The following RAP1GAP2 variants were observed in gnomAD, a reference collection of about 807,000 sequenced individuals.
RAP1GAP2 encodes RAP1 GTPase activating protein 2.
A neutral mutation model predicts 95.0 loss-of-function variants in RAP1GAP2; 27 were observed. The ratio of observed to expected loss-of-function variants is 0.28; its 90% CI spans 0.21 to 0.39. RAP1GAP2 has a LOEUF of 0.39. RAP1GAP2 is among the 10% of genes least tolerant of loss of function. The probability of loss-of-function intolerance (pLI) is 1.00; values close to 1 mark genes in which losing one functional copy is unlikely to be tolerated. For missense variants in RAP1GAP2, 771 were observed against 970.0 expected, an observed-to-expected ratio of 0.79 and a Z score of 2.72; for synonymous variants, 373 against 380.9, an observed-to-expected ratio of 0.98 and a Z score of 0.24.
chr17:3,013,528 C>T (rs1392831347), intron 17 of RAP1GAP2, among the ~76,000 whole-genome samples: 1 of 152,140 alleles, frequency 6.6e-6, no homozygotes, highest in African/African-American at 2.4e-5. Flanking sequence ...AGCCTGCCGC[C>T]TCCTCACACT....
chr17:2,889,949 C>A (rs2073652283), intron 2 of RAP1GAP2, among the ~76,000 whole-genome samples: 1 of 139,014 alleles, frequency 7.2e-6, no homozygotes. Context: ...GTCTTGAACT[C>A]CTGACCTCAA....
At chr17:3,012,718 G>A (rs1468317105) in intron 17 of RAP1GAP2, among the ~76,000 whole-genome samples, 2 of 150,798 alleles carry the variant, frequency 1.3e-5, no homozygotes, top group African/African-American at 2.4e-5. Flanking sequence ...CACTGCATAC[G>A]CAGCCCATGG....
At chr17:2,781,651 TGCAGGTCTCTGTGTGG>T (rs2068654117) in intron 1 of RAP1GAP2, among the ~76,000 whole-genome samples, 4 of 109,424 alleles carry the variant, frequency 3.7e-5, no homozygotes, top group African/African-American at 1.5e-4. Flanking sequence ...TCTCTGTGTG[TGCAGGTCTCTGTGTGG>T]GCACGTCTCT....
chr17:2,864,698 G>A (rs1456410198), intron 2 of RAP1GAP2, among the ~76,000 whole-genome samples: 1 of 152,194 alleles, frequency 6.6e-6, no homozygotes, highest in African/African-American at 2.4e-5. Context: ...GGACTTCTTG[G>A]TCTTGGCAGA....
At chr17:2,832,421 T>A (rs181091100) in intron 2 of RAP1GAP2, among the ~76,000 whole-genome samples, 3 of 142,416 alleles carry the variant, frequency 2.1e-5, no homozygotes, top group Non-Finnish European at 3.1e-5. Context: ...ACCCAGGTGT[T>A]GTGGCGGGCA....
chr17:2,765,891 C>G (rs1026672285), intron 1 of RAP1GAP2, among the ~76,000 whole-genome samples: 1 of 152,126 alleles, frequency 6.6e-6, no homozygotes, highest in Non-Finnish European at 1.5e-5. Flanking sequence ...ATTGCTTGAA[C>G]CCGGGAGGTG....
intron 16 of RAP1GAP2, 79 bp downstream of exon 16, chr17:3,006,120 CTTTTTTTTTTT>C (rs537126167): frequency 6.6e-5 from 27 of 409,928 alleles, no homozygotes; most frequent in Non-Finnish European, 1.1e-4. Flanking sequence ...GCTCCTCCAT[CTTTTTTTTTTT>C]TTTTTTTTTT....
At chr17:2,908,955 C>T (rs1366063557) in intron 3 of RAP1GAP2, among the ~76,000 whole-genome samples, 2 of 152,124 alleles carry the variant, frequency 1.3e-5, no homozygotes, top group Admixed American at 1.3e-4. Context: ...ATCCTTCCGC[C>T]TTGACCTCCC....
At chr17:2,802,687 G>C (rs569673858) in intron 2 of RAP1GAP2, among the ~76,000 whole-genome samples, 2 of 152,216 alleles carry the variant, frequency 1.3e-5, no homozygotes, top group South Asian at 4.1e-4. Flanking sequence ...TGGGAGACAA[G>C]AGTGAAATGC....
At position 2,889,889 on chromosome 17, in the gene RAP1GAP2, A is replaced by ATATTTTT. The variant is rs1408426152; in HGVS notation, c.81-15394_81-15393insATTTTTT. On this transcript the variant is annotated intron_variant, in intron 2 of 24. Coordinates refer to ENST00000254695, the MANE Select transcript of RAP1GAP2 (RefSeq NM_015085.5). The stretch of plus-strand genomic sequence containing the variant: ...TATATATATATATATATATATATAT[A>ATATTTTT]TTTTTTTTTTTTTTTGTAGAGATGG... Among the ~76,000 whole-genome samples, 43 of 57,316 alleles carry ATATTTTT rather than the reference A, an allele frequency of 7.5e-4. 2 individuals carry two copies. Among genetic ancestry groups the ATATTTTT allele is most frequent in the Non-Finnish European group, 9.5e-4 (31 of 32,544 alleles). 37.6% of individuals were successfully genotyped at this position (57,316 alleles called of 152,430 possible). A position where few individuals can be genotyped will look rare whatever the true frequency, so the allele number is the denominator to read the frequency against.
At chr17:2,908,424 G>A (rs1197356758) in intron 3 of RAP1GAP2, among the ~76,000 whole-genome samples, 3 of 152,154 alleles carry the variant, frequency 2.0e-5, no homozygotes, top group Non-Finnish European at 4.4e-5. Flanking sequence ...ATCACCTGGC[G>A]TCATATGGCG....
chr17:2,915,307 T>G (rs903107373), intron 3 of RAP1GAP2, among the ~76,000 whole-genome samples: 1 of 151,934 alleles, frequency 6.6e-6, no homozygotes, highest in Non-Finnish European at 1.5e-5. Context: ...CAGAGCTCAC[T>G]GCAGCCTCAA....
intron 3 of RAP1GAP2, among the ~76,000 whole-genome samples, chr17:2,918,604 A>G (rs1487688727): frequency 6.6e-6 from 1 of 152,074 alleles, no homozygotes; most frequent in Non-Finnish European, 1.5e-5. Context: ...CGGGAGCAAG[A>G]GAGCAAGGGA....
intron 2 of RAP1GAP2, among the ~76,000 whole-genome samples, chr17:2,831,316 A>T (rs1396713867): frequency 1.3e-5 from 2 of 151,082 alleles, no homozygotes; most frequent in East Asian, 4.0e-4. Flanking sequence ...ACCTCAGGTG[A>T]TCTGCCTGCT....
chr17:2,918,432 C>CAAAAAAA (rs533808717), intron 3 of RAP1GAP2, among the ~76,000 whole-genome samples: 7 of 65,400 alleles, frequency 1.1e-4, no homozygotes, highest in East Asian at 4.3e-4. Context: ...GACTCCATCT[C>CAAAAAAA]AAAAAAAAAA....
chr17:2,853,078 C>G (rs1179110808), intron 2 of RAP1GAP2, among the ~76,000 whole-genome samples: 6 of 152,130 alleles, frequency 3.9e-5, no homozygotes, highest in Admixed American at 3.9e-4. Context: ...CATGTGGAGT[C>G]AAACTCCCAG....
In RAP1GAP2 at chr17:2,867,579, C is replaced by CGTA. The variant is rs2072666524; in HGVS notation, c.81-37704_81-37703insTAG. On this transcript the variant is annotated intron_variant, in intron 2 of 24. Transcript: ENST00000254695. This position sits in a 1 kb window ranked among gnomAD's most constrained non-coding sequence, Gnocchi z 4.5. ...CCCTGGACAGAAAGTGAGTCACATA[C>CGTA]GCATCCCTGAACTTTGGCCAGAGGG... Among the ~76,000 whole-genome samples the CGTA allele has an allele frequency of 6.6e-6, 1 of 152,184 alleles. No homozygotes were observed. The highest frequency in any genetic ancestry group is 1.5e-5 in the Non-Finnish European group (1 of 68,038).
rs769424293 is a variant in RAP1GAP2, at chr17:3,004,572, C to T, written c.1201-797C>T. 1.1e-4 allele frequency among the ~76,000 whole-genome samples: 17 copies of T among 152,220 alleles called. No homozygotes were observed. Among genetic ancestry groups the T allele is most frequent in the Non-Finnish European group, 1.9e-4 (13 of 68,038 alleles). On this transcript the variant is annotated intron_variant, in intron 14 of 24. Coordinates refer to ENST00000254695, the MANE Select transcript of RAP1GAP2 (RefSeq NM_015085.5). This position sits in a 1 kb window ranked among gnomAD's most constrained non-coding sequence, Gnocchi z 4.1. The stretch of plus-strand genomic sequence containing the variant: ...CAGAGGGAAGGCGGGGTGTGGGGCC[C>T]GTCCCACGCCTGGGCGACCCCCATG...
chr17:2,889,865 A>G (rs11651224), intron 2 of RAP1GAP2, among the ~76,000 whole-genome samples: 5,295 of 36,920 alleles, frequency 0.14, 246 homozygotes, highest in Admixed American at 0.32. Flanking sequence ...ATGTGTGTGT[A>G]TATATATATA....
Sources: allele counts gnomAD v4.1 joint callset (sites outside exome capture counted in the v4.1 genomes callset), GRCh38; gene constraint gnomAD v4.1.1; non-coding constraint Gnocchi (gnomAD v3.1); transcripts MANE v1.5; gene names NCBI Gene and HGNC (gene_info 2026-07-23, HGNC 2026-07-21).